TENM3: variants seen among roughly 807,000 people sequenced by gnomAD.
TENM3 encodes the protein teneurin transmembrane protein 3.
TENM3 carries 63 observed loss-of-function variants against 255.1 expected under a neutral mutation model. The observed-to-expected ratio is 0.25, with a 90% confidence interval of 0.20 to 0.30. The LOEUF is 0.30. TENM3 is among the 10% of genes least tolerant of loss of function. The pLI is 1.00. For missense variants in TENM3, 2,929 were observed against 3,461.1 expected (o/e 0.85, Z 3.86); for synonymous variants, 1,306 against 1,322.3 (o/e 0.99, Z 0.27).
chr4:182,046,874 G>A, the TENM3 span, among the ~76,000 whole-genome samples: 1 of 152,168 alleles, frequency 6.6e-6, no homozygotes, highest in Admixed American at 6.5e-5. Context: ...TTTTTAGGTA[G>A]CGTGCAGATA....
chr4:182,100,786 CATATATATACACATATATATACACAT>C, the TENM3 span, among the ~76,000 whole-genome samples: 18 of 33,082 alleles, frequency 5.4e-4, 3 homozygotes, highest in African/African-American at 1.2e-3. Context: ...TATATATACA[CATATATATACACATATATATACACAT>C]ATATATACAC....
At chr4:182,127,973 AG>A in the TENM3 span, among the ~76,000 whole-genome samples, 947 of 152,288 alleles carry the variant, frequency 6.2e-3, 9 homozygotes, top group African/African-American at 0.021. Context: ...TAAATCAAAA[AG>A]TTATTAAATG....
intron 3 of TENM3, among the ~76,000 whole-genome samples, chr4:182,509,796 G>A (rs921197672): frequency 6.6e-6 from 1 of 152,034 alleles, no homozygotes; most frequent in African/African-American, 2.4e-5. Flanking sequence ...AACTAGCTGG[G>A]GGTGGTGGCG....
the TENM3 span, among the ~76,000 whole-genome samples, chr4:181,728,634 T>A: frequency 6.6e-6 from 1 of 152,166 alleles, no homozygotes; most frequent in Non-Finnish European, 1.5e-5. Flanking sequence ...GGACCAGAGG[T>A]CACTTTCATC....
intron 3 of TENM3, among the ~76,000 whole-genome samples, chr4:182,464,548 C>T (rs1048512825): frequency 6.6e-6 from 1 of 152,144 alleles, no homozygotes; most frequent in Non-Finnish European, 1.5e-5. Flanking sequence ...TGAGCCACCA[C>T]GCCAGGCCTG....
At chr4:182,213,906 A>T (rs1199707108) in intron 1 of TENM3, among the ~76,000 whole-genome samples, 1 of 151,942 alleles carries the variant, frequency 6.6e-6, no homozygotes, top group South Asian at 2.1e-4. Flanking sequence ...GGTTCACGCC[A>T]TTCTCCTGCC....
chr4:182,019,648 A>G, the TENM3 span, among the ~76,000 whole-genome samples: 11 of 152,270 alleles, frequency 7.2e-5, no homozygotes, highest in Admixed American at 5.2e-4. Flanking sequence ...TGGAAAAATT[A>G]GTGTGGAAAA....
chr4:182,463,666 C>A (rs1241549351), intron 3 of TENM3, among the ~76,000 whole-genome samples: 1 of 151,730 alleles, frequency 6.6e-6, no homozygotes, highest in Non-Finnish European at 1.5e-5. Flanking sequence ...TCTTGCTGCC[C>A]AGGCTGGAGT....
At chr4:182,319,592 G>C (rs900076440) in intron 1 of TENM3, among the ~76,000 whole-genome samples, 1 of 152,162 alleles carries the variant, frequency 6.6e-6, no homozygotes, top group Non-Finnish European at 1.5e-5. Context: ...TCAGATATTT[G>C]ATGCTAGAGA....
At chr4:181,875,065 T>C in the TENM3 span, among the ~76,000 whole-genome samples, 1 of 152,210 alleles carries the variant, frequency 6.6e-6, no homozygotes, top group Admixed American at 6.5e-5. Flanking sequence ...TTTTTCATGT[T>C]TTTTAGTGAT....
intron 3 of TENM3, among the ~76,000 whole-genome samples, chr4:182,595,327 T>C (rs1023309595): frequency 2.0e-5 from 3 of 152,088 alleles, no homozygotes; most frequent in Non-Finnish European, 4.4e-5. Context: ...TACACTGTAA[T>C]CTACCCTGTA....
the TENM3 span, among the ~76,000 whole-genome samples, chr4:181,799,721 A>G: frequency 2.0e-5 from 1 of 50,600 alleles, no homozygotes; most frequent in Admixed American, 2.1e-4. Context: ...TGCCTGGGAT[A>G]ATAATAGATG....
intron 24 of TENM3, among the ~76,000 whole-genome samples, chr4:182,788,036 T>C (rs1477740078): frequency 6.6e-6 from 1 of 152,222 alleles, no homozygotes; most frequent in South Asian, 2.1e-4. Context: ...TATTTATATA[T>C]AAACGTGAGT....
intron 24 of TENM3, among the ~76,000 whole-genome samples, chr4:182,777,511 A>ATATGTGTGTGTG (rs1764770658): frequency 1.0e-5 from 1 of 99,852 alleles, no homozygotes; most frequent in South Asian, 3.9e-4. Context: ...TAATGTGTTT[A>ATATGTGTGTGTG]TGTGTGTGTG....
At chr4:181,533,805 C>T in the TENM3 span, among the ~76,000 whole-genome samples, 15 of 152,000 alleles carry the variant, frequency 9.9e-5, no homozygotes, top group African/African-American at 3.4e-4. Flanking sequence ...TTCTCACTTC[C>T]ACCTCCTTTC....
intron 12 of TENM3, among the ~76,000 whole-genome samples, chr4:182,712,027 T>G (rs532480228): frequency 3.9e-5 from 6 of 152,300 alleles, no homozygotes; most frequent in African/African-American, 1.4e-4. Context: ...CTGGTTAACA[T>G]GTTGAGAGAA....
At chr4:181,608,262 T>A in the TENM3 span, among the ~76,000 whole-genome samples, 1 of 152,180 alleles carries the variant, frequency 6.6e-6, no homozygotes, top group Non-Finnish European at 1.5e-5. Flanking sequence ...AAGAGATGAA[T>A]GAGTACAACA....
intron 3 of TENM3, 66 bp downstream of exon 3, chr4:182,346,995 CG>C: frequency 2.4e-6 from 2 of 845,754 alleles, no homozygotes; most frequent in Non-Finnish European, 1.7e-6. Flanking sequence ...GTTGACTCCG[CG>C]GGGGGGGATG....
chr4:181,981,404 T>A, the TENM3 span, among the ~76,000 whole-genome samples: 2 of 152,194 alleles, frequency 1.3e-5, no homozygotes, highest in African/African-American at 4.8e-5. Flanking sequence ...ATTTTTTAAA[T>A]GTAACAGGTA....
Sources: allele counts gnomAD v4.1 joint callset (sites outside exome capture counted in the v4.1 genomes callset), GRCh38; gene constraint gnomAD v4.1.1; transcripts MANE v1.5; gene names NCBI Gene and HGNC (gene_info 2026-07-23, HGNC 2026-07-21).